The following BRME1 variants were observed in gnomAD, a reference collection of about 807,000 sequenced individuals.
BRME1 encodes the protein BRCA2 and MEILB2-associating protein 1.
Under a neutral mutation model 52.6 loss-of-function variants are expected in BRME1, and 31 were observed. The ratio of observed to expected loss-of-function variants is 0.59; its 90% confidence interval spans 0.44 to 0.80. The LOEUF is 0.80. BRME1 is among the 30% of genes least tolerant of loss of function. The probability of loss-of-function intolerance (pLI) is 0.00; values close to 1 mark genes in which losing one functional copy is unlikely to be tolerated. For missense variants in BRME1, 804 were observed against 860.3 expected, an observed-to-expected ratio of 0.93 and a Z score of 0.82; for synonymous variants, 359 against 353.6, an observed-to-expected ratio of 1.02 and a Z score of -0.17.
At chr19:13,886,706 TC>T (rs1184889375) in intron 6 of BRME1, among the ~76,000 whole-genome samples, 1 of 147,430 alleles carries the variant, frequency 6.8e-6, no homozygotes, top group Admixed American at 7.0e-5. Flanking sequence ...ACACCTGTAA[TC>T]CCAGCACTTT....
intron 6 of BRME1, among the ~76,000 whole-genome samples, chr19:13,886,946 C>T (rs985657736): frequency 3.9e-5 from 6 of 152,020 alleles, no homozygotes; most frequent in South Asian, 2.1e-4. Context: ...CCAGCCTGGG[C>T]GACAGAGCAA....
Position 13,883,312 on chromosome 19 carries a change from G to A in BRME1, c.1852C>T (p.Leu618=), listed in dbSNP as rs959555611. Residue 618 remains leucine, a synonymous_variant, in exon 8 of 9, where the codon CTG becomes TTG. Coordinates refer to ENST00000586783, the MANE Select transcript of BRME1 (RefSeq NM_001345843.2). This position sits in a 1 kb window ranked among gnomAD's most constrained non-coding sequence, Gnocchi z 4.2. ...VRGLIVELSN[L]NRLIMGTHRD... is the part of the protein sequence containing the mutation. ...GAGTCCAAGCCCACCCCGTACTTCA[G>A]GTTGGAGAGCTCAACGATGAGGCCA... The A allele has an allele frequency of 5.2e-6, 8 of 1,533,650 alleles. No individual in the cohort carries two copies. The African/African-American group carries it at 6.9e-5, about 13-fold the overall frequency.
At chr19:13,895,314 T>C (rs540447577) in intron 3 of BRME1, 58 bp downstream of exon 3, 43 of 1,529,618 alleles carry the variant, frequency 2.8e-5, no homozygotes, top group Non-Finnish European at 3.7e-5. Flanking sequence ...TCTGCTGAGC[T>C]GCTGTGCTAT....
rs766120888 is a variant in BRME1, at chr19:13,895,531, G to C, written c.47C>G (p.Pro16Arg). 6.2e-7 allele frequency: 1 copy of C among 1,613,392 alleles called. No homozygotes were observed. The stretch of plus-strand genomic sequence containing the variant: ...CCTTGGGTTCTTTAGGGGTTTTGGA[G>C]GACAGAGTCCCTCTCCTGTTTTAGA... Reference protein sequence around the residue: ...KLRTSGEGLCPPKPLKNPRLG... With the variant: ...KLRTSGEGLCRPKPLKNPRLG... The change falls in exon 3 of 9, where the codon CCT (proline) becomes CGT (arginine). Residue 16 changes from proline to arginine, a missense_variant. This residue lies in a region of BRME1 where 234 missense variants were observed against 258.1 expected (regional missense o/e 0.91). Coordinates refer to ENST00000586783, the MANE Select transcript of BRME1 (RefSeq NM_001345843.2).
intron 2 of BRME1, among the ~76,000 whole-genome samples, chr19:13,896,016 T>TCCCA (rs1183274786): frequency 6.6e-6 from 1 of 152,230 alleles, no homozygotes; most frequent in East Asian, 1.9e-4. Context: ...ACGCCTATAA[T>TCCCA]CCCAGCACTT....
In BRME1 at chr19:13,883,812, C is replaced by T. The variant is rs1349537127; in HGVS notation, c.1764-412G>A. On this transcript the variant is annotated intron_variant, in intron 7 of 8. Coordinates refer to ENST00000586783, the MANE Select transcript of BRME1 (RefSeq NM_001345843.2). The surrounding 1 kb of genome is among the most constrained non-coding windows in gnomAD (Gnocchi z 4.2). Reference sequence around the variant, plus strand: ...CCTCGGCTCTAGCCACACTAGACTCCTGGCCATTCCTTGAGCACCTCTCAG... The same window carrying T: ...CCTCGGCTCTAGCCACACTAGACTCTTGGCCATTCCTTGAGCACCTCTCAG... 1.3e-5 allele frequency among the ~76,000 whole-genome samples: 2 copies of T among 152,124 alleles called. No individual in the cohort carries two copies. The highest frequency in any genetic ancestry group is 1.3e-4 in the Admixed American group (2 of 15,268).
chr19:13,891,290 C>G (rs866082644), intron 5 of BRME1, among the ~76,000 whole-genome samples: 4 of 151,632 alleles, frequency 2.6e-5, no homozygotes, highest in South Asian at 2.1e-4. Flanking sequence ...GCTGGGATTA[C>G]AGGCTCGCGC....
At chr19:13,893,625 G>A (rs1969674770) in intron 3 of BRME1, among the ~76,000 whole-genome samples, 1 of 152,146 alleles carries the variant, frequency 6.6e-6, no homozygotes, top group African/African-American at 2.4e-5. Context: ...CAGGAAACCA[G>A]TGCTAAGAGT....
chr19:13,891,283 G>A (rs903938077), intron 5 of BRME1, among the ~76,000 whole-genome samples: 2 of 151,450 alleles, frequency 1.3e-5, no homozygotes, highest in East Asian at 3.9e-4. Flanking sequence ...CCGAGTAGCT[G>A]GGATTACAGG....
chr19:13,883,277 CCTG>C lies in BRME1; in HGVS notation c.1856+28_1856+30del, dbSNP rs1228822460. ...GAGTCCCCACTGGCCTCCCGCAGAC[CCTG>C]TGCCGTGAGTCCAAGCCCACCCCGT... On this transcript the variant is annotated intron_variant, in intron 8 of 8. Transcript: ENST00000586783. This position sits in a 1 kb window ranked among gnomAD's most constrained non-coding sequence, Gnocchi z 4.2. The C allele has an allele frequency of 6.6e-7, 1 of 1,512,206 alleles. No homozygotes were observed. Among genetic ancestry groups the C allele is most frequent in the African/African-American group, 1.4e-5 (1 of 72,570 alleles). 93.7% of individuals were successfully genotyped at this position (1,512,206 alleles called of 1,614,324 possible).
Position 13,882,863 on chromosome 19 carries a change from G to T in BRME1, c.1946C>A (p.Pro649His), listed in dbSNP as rs1369571744. 1 of 1,614,062 alleles carries T rather than the reference G, an allele frequency of 6.2e-7. No individual in the cohort carries two copies. The highest frequency in any genetic ancestry group is 8.5e-7 in the Non-Finnish European group (1 of 1,179,984). ...KTKLGGKAPL[P>H]YPSKGPGNIP... ...ATTCCCAGGCCCCTTGGAAGGGTAA[G>T]GCAGGGGGGCTTTGCCTCCCAGCTT... Residue 649 changes from proline (P) to histidine (H), a missense_variant, in exon 9 of 9, where the codon CCT becomes CAT. This residue lies in a region of BRME1 where 552 missense variants were observed against 561.1 expected (regional missense o/e 0.98). Coordinates refer to ENST00000586783, the MANE Select transcript of BRME1 (RefSeq NM_001345843.2).
In BRME1 at chr19:13,893,125, C is replaced by A; in HGVS notation, c.288+17G>T. 1 of 1,589,302 alleles carries A rather than the reference C, an allele frequency of 6.3e-7. No homozygotes were observed. Among genetic ancestry groups the A allele is most frequent in the South Asian group, 1.1e-5 (1 of 87,118 alleles). The stretch of plus-strand genomic sequence containing the variant: ...CAGTGGTGCTTCTATATCCACGAGG[C>A]CACAGGACGAGCTCACCTGGGAAGG... On this transcript the variant is annotated intron_variant, in intron 4 of 8. Transcript: ENST00000586783.
In BRME1 at chr19:13,889,408, A is replaced by G. The variant is rs1251780998; in HGVS notation, c.1448T>C (p.Leu483Pro). 5 of 1,613,896 alleles carry G rather than the reference A, an allele frequency of 3.1e-6. No individual in the cohort carries two copies. Among genetic ancestry groups the G allele is most frequent in the Non-Finnish European group, 3.4e-6 (4 of 1,180,030 alleles). The change falls in exon 6 of 9, where the codon CTG becomes CCG. Residue 483 changes from leucine to proline, a missense_variant. Transcript: ENST00000586783. The part of the protein sequence containing the change: ...FRVSPQASVV[L>P]EHREIADDPL... ...GTCGTCTGCTATTTCTCTGTGTTCC[A>G]GCACAACAGAGGCTTGCGGGGACAC...
chr19:13,883,542 A>ATGGCCAACCCAGC lies in BRME1; in HGVS notation c.1764-155_1764-143dup, dbSNP rs1393689224. 2 of 636,704 alleles carry ATGGCCAACCCAGC rather than the reference A, an allele frequency of 3.1e-6. No homozygotes were observed. Among genetic ancestry groups the ATGGCCAACCCAGC allele is most frequent in the African/African-American group, 3.6e-5 (2 of 54,882 alleles). The allele number at this position is 636,704 out of a possible 1,614,324, so 39.4% of individuals were successfully genotyped here. A position where few individuals can be genotyped will look rare whatever the true frequency, so the allele number is the denominator to read the frequency against. On this transcript the variant is annotated intron_variant, in intron 7 of 8. Transcript: ENST00000586783. This position sits in a 1 kb window ranked among gnomAD's most constrained non-coding sequence, Gnocchi z 4.2. ...CTCCTCTGTTCACGACAGAACCCTGATGGCCAACCCAGCTGGCTCCACTGC... is the reference window on the plus strand; with the variant it reads ...CTCCTCTGTTCACGACAGAACCCTGATGGCCAACCCAGCTGGCCAACCCAGCTGGCTCCACTGC...
Position 13,889,571 on chromosome 19 carries a change from T to C in BRME1, c.1285A>G (p.Met429Val). Residue 429 changes from methionine (M) to valine (V), a missense_variant, in exon 6 of 9, where the codon ATG (methionine) becomes GTG (valine). Met to Val is a conservative substitution (Grantham distance 21). This residue lies in a region of BRME1 where 552 missense variants were observed against 561.1 expected (regional missense o/e 0.98). Transcript: ENST00000586783. ...TGACCGGAATCTCCAGCACCCATCA[T>C]GGACTCTCCGCTCCCAGGTGCCAGA... ...LALAPGSGES[M>V]MGAGDSGHAS... 5 of 1,613,206 alleles carry C rather than the reference T, an allele frequency of 3.1e-6. No homozygotes were observed. Among genetic ancestry groups the C allele is most frequent in the Non-Finnish European group, 3.4e-6 (4 of 1,179,692 alleles).
intron 2 of BRME1, among the ~76,000 whole-genome samples, chr19:13,903,082 T>C (rs1229574827): frequency 1.3e-5 from 2 of 152,290 alleles, no homozygotes; most frequent in East Asian, 1.9e-4. Context: ...TGAATTATTT[T>C]TGCAACTTTT....
intron 2 of BRME1, among the ~76,000 whole-genome samples, chr19:13,896,995 G>A (rs184754030): frequency 2.0e-5 from 3 of 150,942 alleles, no homozygotes; most frequent in East Asian, 1.9e-4. Context: ...ACTTTGCCTC[G>A]CCAGAATCTA....
Position 13,889,251 on chromosome 19 carries a change from G to T in BRME1, c.1605C>A (p.Phe535Leu). The change falls in exon 6 of 9, where the codon TTC (phenylalanine) becomes TTA (leucine). Residue 535 changes from phenylalanine (F) to leucine (L), a missense_variant. Physicochemically the swap from Phe to Leu is conservative, Grantham distance 22. Coordinates refer to ENST00000586783, the MANE Select transcript of BRME1 (RefSeq NM_001345843.2). ...CATCCTGTATCTGGCTGTCCAGCAGGAAGTCGAGTTCCACAGCTAAAGAGT... is the reference window on the plus strand; with the variant it reads ...CATCCTGTATCTGGCTGTCCAGCAGTAAGTCGAGTTCCACAGCTAAAGAGT... ...WADSLAVELD[F>L]LLDSQIQDAL... The T allele has an allele frequency of 6.2e-7, 1 of 1,613,728 alleles. No individual in the cohort carries two copies. The highest frequency in any genetic ancestry group is 2.2e-5 in the East Asian group (1 of 44,876).
chr19:13,886,068 C>T lies in BRME1; in HGVS notation c.1669-13G>A, dbSNP rs763975097. The stretch of plus-strand genomic sequence containing the variant: ...CCGAAGGAAAGAGCTGGAAAGAGAG[C>T]ACAAGGTGTGAGTGGTCGAGGCCTG... On this transcript the variant is annotated splice_polypyrimidine_tract_variant and intron_variant, in intron 6 of 8. Coordinates refer to ENST00000586783, the MANE Select transcript of BRME1 (RefSeq NM_001345843.2). 13 of 1,612,860 alleles carry T rather than the reference C, an allele frequency of 8.1e-6. 1 individual carries two copies. In the Admixed American group the frequency reaches 1.2e-4, roughly 14 times the overall value.
Sources: gnomAD v4.1 joint callset for allele counts (sites outside exome capture counted in the v4.1 genomes callset) on GRCh38, gnomAD v4.1.1 for gene constraint, gnomAD v4.1.1 regional missense constraint, Gnocchi (gnomAD v3.1) non-coding constraint, MANE v1.5 for transcripts, NCBI Gene and HGNC (gene_info 2026-07-23, HGNC 2026-07-21) for gene names.